The following TLE4 variants were observed in gnomAD, a reference collection of about 807,000 sequenced individuals.
TLE4 encodes transducin-like enhancer protein 4.
Under a neutral mutation model 92.8 loss-of-function variants are expected in TLE4, and 8 were observed. The ratio of observed to expected loss-of-function variants is 0.09; its 90% CI spans 0.05 to 0.16. TLE4 has a LOEUF of 0.16. TLE4 is among the 10% of genes least tolerant of loss of function. The pLI is 1.00. For synonymous variants in TLE4, 371 were observed against 374.1 expected (o/e 0.99, Z 0.10); for missense variants, 675 against 997.6 (o/e 0.68, Z 4.36).
intron 8 of TLE4, among the ~76,000 whole-genome samples, chr9:79,677,486 T>G (rs2063483604): frequency 6.6e-6 from 1 of 152,134 alleles, no homozygotes; most frequent in East Asian, 1.9e-4. Flanking sequence ...AAATGTTAAC[T>G]CTACTTAGTT....
chr9:79,573,876 T>C (rs1228826026), intron 2 of TLE4, 90 bp downstream of exon 2: 3 of 902,252 alleles, frequency 3.3e-6, no homozygotes, highest in African/African-American at 3.5e-5. Flanking sequence ...CCTCCTTTTT[T>C]GTGGGGGCGT....
At chr9:79,670,017 C>T (rs1481810019) in intron 8 of TLE4, among the ~76,000 whole-genome samples, 1 of 152,018 alleles carries the variant, frequency 6.6e-6, no homozygotes, top group South Asian at 2.1e-4. Flanking sequence ...GAGGAAGAAA[C>T]CCCTGAAATG....
chr9:79,574,499 TG>T (rs1005712721), intron 2 of TLE4, among the ~76,000 whole-genome samples: 2 of 152,208 alleles, frequency 1.3e-5, no homozygotes, highest in African/African-American at 4.8e-5. Context: ...GAAATTCCCT[TG>T]TGACGTTTTG....
intron 14 of TLE4, among the ~76,000 whole-genome samples, chr9:79,713,549 G>A (rs1413653883): frequency 1.3e-5 from 2 of 152,146 alleles, no homozygotes; most frequent in Non-Finnish European, 2.9e-5. Context: ...CTAGTTATTT[G>A]TTGGGCATCT....
chr9:79,724,979 A>G, intron 19 of TLE4, 58 bp from the exon 20 acceptor site: 1 of 1,373,114 alleles, frequency 7.3e-7, no homozygotes, highest in Non-Finnish European at 1.0e-6. Flanking sequence ...TAAGTCCTCC[A>G]TACTCATGGG....
At chr9:79,674,664 T>C (rs2062966343) in intron 8 of TLE4, among the ~76,000 whole-genome samples, 1 of 152,226 alleles carries the variant, frequency 6.6e-6, no homozygotes, top group African/African-American at 2.4e-5. Context: ...TTGTCTGTCA[T>C]ATGTCCTTAG....
intron 19 of TLE4, among the ~76,000 whole-genome samples, chr9:79,723,373 C>A (rs2075940819): frequency 6.6e-6 from 1 of 152,136 alleles, no homozygotes; most frequent in South Asian, 2.1e-4. Context: ...AAAACTTGAG[C>A]ATTTTGCTTA....
intron 5 of TLE4, among the ~76,000 whole-genome samples, chr9:79,616,258 C>T (rs2133187868): frequency 6.6e-6 from 1 of 152,302 alleles, no homozygotes; most frequent in South Asian, 2.1e-4. Context: ...TTTACTCTAA[C>T]TGGGCTAAGC....
At position 79,597,134 on chromosome 9, in the gene TLE4, C is replaced by T. The variant is rs78197343; in HGVS notation, c.253-15522C>T. Reference sequence around the variant, plus strand: ...CTGGTTGTCTAATCTAGTGAAGCCACATAGTCTGCTAGTTCTCCATGTGCA... The same window carrying T: ...CTGGTTGTCTAATCTAGTGAAGCCATATAGTCTGCTAGTTCTCCATGTGCA... On this transcript the variant is annotated intron_variant, in intron 4 of 19. Coordinates refer to ENST00000376552, the MANE Select transcript of TLE4 (RefSeq NM_007005.6). 6.4e-3 allele frequency among the ~76,000 whole-genome samples: 974 copies of T among 152,252 alleles called. 13 individuals are homozygous for T. Among genetic ancestry groups the T allele is most frequent in the African/African-American group, 0.022 (915 of 41,536 alleles).
chr9:79,676,838 A>T (rs1207662710), intron 8 of TLE4, among the ~76,000 whole-genome samples: 1 of 152,168 alleles, frequency 6.6e-6, no homozygotes, highest in East Asian at 1.9e-4. Flanking sequence ...AAATCCTCAA[A>T]TTATTAGTTT....
chr9:79,587,147 G>A (rs1272431495), intron 4 of TLE4, among the ~76,000 whole-genome samples: 2 of 152,218 alleles, frequency 1.3e-5, no homozygotes, highest in Non-Finnish European at 2.9e-5. Context: ...GAATATAGTA[G>A]AAGAAATGAA....
Position 79,718,747 on chromosome 9 carries a change from G to T in TLE4, c.1366G>T (p.Asp456Tyr). The change falls in exon 15 of 20, where the codon GAT becomes TAT. Residue 456 changes from aspartate (D) to tyrosine (Y), a missense_variant. By Grantham distance (160) the Asp-to-Tyr change is radical. Transcript: ENST00000376552. ...KPAYSFHVSA[D>Y]GQMQPVPFPP... is the part of the protein sequence containing the mutation. Reference sequence around the variant, plus strand: ...AGCATACTCCTTCCATGTTAGCGCAGATGGTCAGATGCAGCCTGTCCCTTT... The same window carrying T: ...AGCATACTCCTTCCATGTTAGCGCATATGGTCAGATGCAGCCTGTCCCTTT... 6.2e-7 allele frequency: 1 copy of T among 1,614,024 alleles called. No homozygotes were observed. The highest frequency in any genetic ancestry group is 8.5e-7 in the Non-Finnish European group (1 of 1,179,958).
At chr9:79,675,018 AG>A (rs1413528378) in intron 8 of TLE4, among the ~76,000 whole-genome samples, 1 of 152,148 alleles carries the variant, frequency 6.6e-6, no homozygotes, top group East Asian at 1.9e-4. Flanking sequence ...TATTTCATGA[AG>A]AAAAAAGGGT....
At chr9:79,616,153 A>C (rs191291945) in intron 5 of TLE4, among the ~76,000 whole-genome samples, 1 of 152,234 alleles carries the variant, frequency 6.6e-6, no homozygotes, top group East Asian at 1.9e-4. Flanking sequence ...AAGAACTATA[A>C]ATATCAACTC....
At chr9:79,651,212 C>T (rs1242491584) in intron 6 of TLE4, among the ~76,000 whole-genome samples, 1 of 152,086 alleles carries the variant, frequency 6.6e-6, no homozygotes, top group Non-Finnish European at 1.5e-5. Context: ...CAAAATTTAA[C>T]CTGAGAATTA....
At chr9:79,639,271 C>T (rs1466288594) in intron 6 of TLE4, among the ~76,000 whole-genome samples, 5 of 151,958 alleles carry the variant, frequency 3.3e-5, no homozygotes, top group African/African-American at 1.2e-4. Flanking sequence ...AAATTCAGGC[C>T]ATTTTTGGGT....
At chr9:79,646,753 A>G (rs2058164621) in intron 6 of TLE4, among the ~76,000 whole-genome samples, 1 of 152,188 alleles carries the variant, frequency 6.6e-6, no homozygotes, top group South Asian at 2.1e-4. Context: ...ATATTTTAAT[A>G]TCTCTGTCAT....
chr9:79,601,279 G>A lies in TLE4; in HGVS notation c.253-11377G>A, dbSNP rs1034776244. ...ATCCTAAATGCCAGAAAAGATGTGT[G>A]ATGGGAAACTAAATAAACCATATCA... On this transcript the variant is annotated intron_variant, in intron 4 of 19. Coordinates refer to ENST00000376552, the MANE Select transcript of TLE4 (RefSeq NM_007005.6). The A allele has an allele frequency of 1.2e-5, 5 of 418,712 alleles. No individual in the cohort carries two copies. The East Asian group carries it at 3.6e-4, about 30-fold the overall frequency. The allele number at this position is 418,712 out of a possible 1,614,324, so 25.9% of individuals were successfully genotyped here.
At chr9:79,581,579 C>T (rs2039681097) in intron 4 of TLE4, among the ~76,000 whole-genome samples, 1 of 152,198 alleles carries the variant, frequency 6.6e-6, no homozygotes, top group African/African-American at 2.4e-5. Context: ...GGTCTGGGCA[C>T]ACTGCCAAAA....
Sources: allele counts gnomAD v4.1 joint callset (sites outside exome capture counted in the v4.1 genomes callset), GRCh38; gene constraint gnomAD v4.1.1; transcripts MANE v1.5; gene names NCBI Gene and HGNC (gene_info 2026-07-23, HGNC 2026-07-21).